The following ADAMTSL1 variants were observed in gnomAD, a reference collection of about 807,000 sequenced individuals.
ADAMTSL1 encodes ADAMTS-like protein 1.
In ADAMTSL1, 126 loss-of-function variants were observed where a neutral mutation model predicts 201.8. That is an observed-to-expected ratio of 0.62 (90% CI 0.54 to 0.72). The LOEUF (loss-of-function observed/expected upper bound fraction) is 0.72. Among genes scored for constraint, ADAMTSL1 ranks in the 30% least tolerant of loss-of-function variants. ADAMTSL1 has a pLI of 0.00. For synonymous variants in ADAMTSL1, 1,121 were observed against 903.4 expected (o/e 1.24, Z -4.32); for missense variants, 2,679 against 2,277.8 (o/e 1.18, Z -3.59).
chr9:18,305,035 A>G (rs1833857182), intron 2 of ADAMTSL1, among the ~76,000 whole-genome samples: 1 of 152,134 alleles, frequency 6.6e-6, no homozygotes, highest in Non-Finnish European at 1.5e-5. Context: ...CTGGTTAGAC[A>G]GTGGGTGCAG....
intron 4 of ADAMTSL1, among the ~76,000 whole-genome samples, chr9:18,595,589 C>A (rs932162722): frequency 1.3e-5 from 2 of 152,212 alleles, no homozygotes; most frequent in African/African-American, 4.8e-5. Flanking sequence ...GAGGCTCAGA[C>A]TGCCAGGCTT....
intron 2 of ADAMTSL1, among the ~76,000 whole-genome samples, chr9:18,453,018 C>A (rs1348036357): frequency 6.6e-6 from 1 of 152,232 alleles, no homozygotes; most frequent in Non-Finnish European, 1.5e-5. Context: ...GCCTTTGTGA[C>A]AAGTTTCTGC....
At chr9:18,211,834 C>G (rs576619761) in intron 2 of ADAMTSL1, among the ~76,000 whole-genome samples, 1 of 152,312 alleles carries the variant, frequency 6.6e-6, no homozygotes, top group African/African-American at 2.4e-5. Flanking sequence ...GAAACTTACA[C>G]ATTCCCAAAG....
At position 18,777,817 on chromosome 9, in the gene ADAMTSL1, G is replaced by C. The variant is rs1331335639; in HGVS notation, c.3588G>C (p.Leu1196=). The change falls in exon 19 of 29, where the codon CTG becomes CTC. Residue 1196 remains leucine, a synonymous_variant. Coordinates refer to ENST00000380548, the MANE Select transcript of ADAMTSL1 (RefSeq NM_001040272.6). ...CGGTGGCCCTGGCCAGCGGGACACT[G>C]AGTGTTCTTCTGCACTGTGAGGCCA... ...GQTVALASGT[L]SVLLHCEAIG... The C allele has an allele frequency of 1.9e-6, 3 of 1,613,530 alleles. No individual in the cohort carries two copies. The highest frequency in any genetic ancestry group is 2.7e-5 in the African/African-American group (2 of 74,944).
At chr9:18,503,546 T>C (rs1421470828) in intron 1 of ADAMTSL1, among the ~76,000 whole-genome samples, 3 of 151,886 alleles carry the variant, frequency 2.0e-5, no homozygotes, top group African/African-American at 7.3e-5. Context: ...GATTCATTGA[T>C]TCATTCATTG....
intron 1 of ADAMTSL1, among the ~76,000 whole-genome samples, chr9:18,484,118 A>C (rs1032328287): frequency 1.3e-5 from 2 of 152,216 alleles, no homozygotes; most frequent in East Asian, 3.9e-4. Flanking sequence ...CTTCATTGAG[A>C]GCCTGCTATA....
intron 2 of ADAMTSL1, among the ~76,000 whole-genome samples, chr9:18,412,320 A>G (rs549295664): frequency 6.6e-5 from 10 of 152,222 alleles, no homozygotes; most frequent in Non-Finnish European, 1.5e-4. Flanking sequence ...ATCAGTGGAC[A>G]CAGGTGGGAT....
At chr9:17,947,263 A>C (rs1237077040) in intron 1 of ADAMTSL1, among the ~76,000 whole-genome samples, 1 of 151,366 alleles carries the variant, frequency 6.6e-6, no homozygotes, top group Non-Finnish European at 1.5e-5. Context: ...TATACAGTTA[A>C]AATAACTAAT....
rs979341930 is a variant in ADAMTSL1, at chr9:18,515,444, C to T, written c.191+10488C>T. 3.3e-5 allele frequency among the ~76,000 whole-genome samples: 5 copies of T among 152,162 alleles called. No individual in the cohort carries two copies. The East Asian group carries it at 9.6e-4, about 29-fold the overall frequency. ...TTGCCTCCCAGTTTCAAACCGTCCT[C>T]CTATCTCAGCCTCCCGAGTAGCTGG... On this transcript the variant is annotated intron_variant, in intron 2 of 28. Transcript: ENST00000380548.
chr9:18,110,037 G>A (rs1224615962), intron 1 of ADAMTSL1, among the ~76,000 whole-genome samples: 1 of 152,198 alleles, frequency 6.6e-6, no homozygotes, highest in East Asian at 1.9e-4. Flanking sequence ...TACTCCCCAA[G>A]CCTAGCCCCA....
At chr9:18,712,445 G>A (rs1447081245) in intron 14 of ADAMTSL1, among the ~76,000 whole-genome samples, 1 of 151,810 alleles carries the variant, frequency 6.6e-6, no homozygotes, top group African/African-American at 2.4e-5. Context: ...AGAACTACGT[G>A]AAGAATGCAG....
At chr9:18,741,656 C>T (rs146747235) in intron 15 of ADAMTSL1, among the ~76,000 whole-genome samples, 12 of 152,306 alleles carry the variant, frequency 7.9e-5, no homozygotes, top group East Asian at 3.9e-4. Flanking sequence ...AATCAAAGTA[C>T]GGACAGGGCC....
chr9:18,362,164 C>G (rs947805699), intron 2 of ADAMTSL1: 1 of 152,138 alleles, frequency 6.6e-6, no homozygotes, highest in African/African-American at 2.4e-5. Context: ...AGATTCTCTC[C>G]CAGCTAAAAC....
rs557216687 is a variant in ADAMTSL1, at chr9:17,963,285, T to C, written c.87+56363T>C. Among the ~76,000 whole-genome samples the C allele has an allele frequency of 1.2e-4, 18 of 152,296 alleles. No homozygotes were observed. The East Asian group carries it at 2.9e-3, about 25-fold the overall frequency. On this transcript the variant is annotated intron_variant, in intron 1 of 29. Transcript: ENST00000680146. Reference sequence around the variant, plus strand: ...GTTTTGCTATGTTTGCTTTATCATATATTTATTCGCCTATTTATCCCTTTA... The same window carrying C: ...GTTTTGCTATGTTTGCTTTATCATACATTTATTCGCCTATTTATCCCTTTA...
chr9:17,915,127 C>G, intron 1 of ADAMTSL1, among the ~76,000 whole-genome samples: 1 of 152,140 alleles, frequency 6.6e-6, no homozygotes, highest in East Asian at 1.9e-4. Context: ...TGCATATATT[C>G]ATGACACCAT....
At chr9:18,175,046 A>G (rs1433106762) in intron 2 of ADAMTSL1, among the ~76,000 whole-genome samples, 2 of 152,206 alleles carry the variant, frequency 1.3e-5, no homozygotes, top group Non-Finnish European at 2.9e-5. Flanking sequence ...CTATAATTAA[A>G]TTTTAACACC....
At chr9:18,630,065 T>G (rs1055666835) in intron 5 of ADAMTSL1, among the ~76,000 whole-genome samples, 2 of 152,204 alleles carry the variant, frequency 1.3e-5, no homozygotes, top group Non-Finnish European at 2.9e-5. Flanking sequence ...TCTTGGGTAC[T>G]AGATATTTTT....
At chr9:18,524,949 G>A (rs1388335486) in intron 2 of ADAMTSL1, among the ~76,000 whole-genome samples, 1 of 152,162 alleles carries the variant, frequency 6.6e-6, no homozygotes, top group Non-Finnish European at 1.5e-5. Flanking sequence ...GATGATGCTG[G>A]CCTCATAAAA....
At chr9:18,638,491 T>C (rs1434200621) in intron 6 of ADAMTSL1, among the ~76,000 whole-genome samples, 1 of 152,074 alleles carries the variant, frequency 6.6e-6, no homozygotes, top group Non-Finnish European at 1.5e-5. Context: ...AACTTAGTCT[T>C]CTCTGAATCA....
Sources: gnomAD v4.1 joint callset for allele counts (sites outside exome capture counted in the v4.1 genomes callset) on GRCh38, gnomAD v4.1.1 for gene constraint, MANE v1.5 for transcripts, NCBI Gene and HGNC (gene_info 2026-07-23, HGNC 2026-07-21) for gene names.